PHACTR3: variants seen among roughly 807,000 people sequenced by gnomAD.
PHACTR3 encodes the protein protein phosphatase 1, regulatory subunit 123.
In PHACTR3, 16 loss-of-function variants were observed where a neutral mutation model predicts 66.8. The observed-to-expected ratio is 0.24, with a 90% CI of 0.16 to 0.36. The LOEUF is 0.36. Ranked by LOEUF, PHACTR3 falls within the 10% of genes least tolerant of loss-of-function variation. The pLI, the probability that PHACTR3 is intolerant of heterozygous loss-of-function variation, is 1.00. For missense variants in PHACTR3, 647 were observed against 719.9 expected, an observed-to-expected ratio of 0.90 and a Z score of 1.16; for synonymous variants, 323 against 292.1, an observed-to-expected ratio of 1.11 and a Z score of -1.08.
rs1215426166 is a variant in PHACTR3, at chr20:59,829,994, CCTGCAG to C, written c.1329-6509_1329-6504del. 6.6e-6 allele frequency among the ~76,000 whole-genome samples: 1 copy of C among 151,688 alleles called. No individual in the cohort carries two copies. The highest frequency in any genetic ancestry group is 2.4e-5 in the African/African-American group (1 of 40,926). ...CGTGTCCTTCCACTTCCTGAAATTACCTGCAGCCCCTGCTGCTGTGCTCATCATGCA... is the reference window on the plus strand; with the variant it reads ...CGTGTCCTTCCACTTCCTGAAATTACCCCCTGCTGCTGTGCTCATCATGCA... On this transcript the variant is annotated intron_variant, in intron 8 of 12. Coordinates refer to ENST00000371015, the MANE Select transcript of PHACTR3 (RefSeq NM_080672.5). This position sits in a 1 kb window ranked among gnomAD's most constrained non-coding sequence, Gnocchi z 4.2.
At chr20:59,734,760 A>G (rs770651844) in intron 1 of PHACTR3, among the ~76,000 whole-genome samples, 3 of 152,078 alleles carry the variant, frequency 2.0e-5, no homozygotes, top group Admixed American at 6.5e-5. Flanking sequence ...GCTTCCCCAA[A>G]TGACTCCCCA....
At chr20:59,750,221 CG>C (rs1419728619) in intron 3 of PHACTR3, among the ~76,000 whole-genome samples, 2 of 151,710 alleles carry the variant, frequency 1.3e-5, no homozygotes, top group Non-Finnish European at 2.9e-5. Context: ...ACCTGGTTCT[CG>C]GGGGGCCGGG....
At chr20:59,778,983 A>T (rs1036043963) in intron 7 of PHACTR3, among the ~76,000 whole-genome samples, 2 of 152,304 alleles carry the variant, frequency 1.3e-5, no homozygotes, top group Admixed American at 6.5e-5. Context: ...GCACCGTGCA[A>T]TGTGTTACAT....
intron 1 of PHACTR3, chr20:59,577,735 G>C (rs1173103711): frequency 3.0e-6 from 2 of 677,652 alleles, no homozygotes; most frequent in Non-Finnish European, 3.9e-6. Context: ...GCGGGTGGCC[G>C]GGAGGCCCGC....
At chr20:59,609,453 C>T (rs113987256) in intron 1 of PHACTR3, among the ~76,000 whole-genome samples, 13 of 152,158 alleles carry the variant, frequency 8.5e-5, no homozygotes, top group African/African-American at 2.9e-4. Flanking sequence ...TGGAGCCCAC[C>T]CCACTTGTTT....
intron 1 of PHACTR3, among the ~76,000 whole-genome samples, chr20:59,591,270 A>G (rs550018143): frequency 1.4e-4 from 21 of 152,238 alleles, no homozygotes; most frequent in East Asian, 5.8e-4. Context: ...TCCTCCCTCC[A>G]GGCTGAGCCA....
chr20:59,837,794 G>A (rs1242202158), intron 9 of PHACTR3, among the ~76,000 whole-genome samples: 2 of 152,164 alleles, frequency 1.3e-5, no homozygotes, highest in Non-Finnish European at 2.9e-5. Flanking sequence ...TCAAGACACA[G>A]GAAGCACCAC....
At chr20:59,836,665 T>C (rs2058973216) in intron 9 of PHACTR3, 105 bp downstream of exon 9, 1 of 1,124,586 alleles carries the variant, frequency 8.9e-7, no homozygotes, top group East Asian at 2.7e-5. Flanking sequence ...AGCGGAATGC[T>C]CCATGCTCCC....
At chr20:59,754,960 G>T (rs1160998114) in intron 3 of PHACTR3, among the ~76,000 whole-genome samples, 1 of 152,222 alleles carries the variant, frequency 6.6e-6, no homozygotes, top group Admixed American at 6.5e-5. Flanking sequence ...CACAGGGAGT[G>T]GAGTGTAAGA....
intron 4 of PHACTR3, among the ~76,000 whole-genome samples, chr20:59,759,235 A>G (rs2039913589): frequency 6.6e-6 from 1 of 152,192 alleles, no homozygotes; most frequent in Non-Finnish European, 1.5e-5. Flanking sequence ...ACCCTGCGCC[A>G]GGGACATCGG....
intron 3 of PHACTR3, among the ~76,000 whole-genome samples, chr20:59,754,771 G>A (rs1653176904): frequency 6.6e-6 from 1 of 152,254 alleles, no homozygotes; most frequent in South Asian, 2.1e-4. Context: ...GGACGAGCAG[G>A]GATGTGCAAG....
chr20:59,788,910 G>T (rs1314341015), intron 7 of PHACTR3, among the ~76,000 whole-genome samples: 1 of 152,210 alleles, frequency 6.6e-6, no homozygotes, highest in Non-Finnish European at 1.5e-5. Flanking sequence ...GTCAGGCATG[G>T]CAGGGAGAGT....
rs925664336 is a variant in PHACTR3 at position 59,811,707 on chromosome 20, G to A, written c.1328+5513G>A. 8.6e-5 allele frequency among the ~76,000 whole-genome samples: 13 copies of A among 151,448 alleles called. 1 individual carries two copies. Among genetic ancestry groups the A allele is most frequent in the Middle Eastern group, 3.4e-3 (1 of 294 alleles). On this transcript the variant is annotated intron_variant, in intron 8 of 12. Coordinates refer to ENST00000371015, the MANE Select transcript of PHACTR3 (RefSeq NM_080672.5). ...TGTCAACACAGCATGGAGCAGTGGGGGGTTGGACATCCTCAGGGGGAACAT... is the reference window on the plus strand; with the variant it reads ...TGTCAACACAGCATGGAGCAGTGGGAGGTTGGACATCCTCAGGGGGAACAT...
intron 9 of PHACTR3, among the ~76,000 whole-genome samples, chr20:59,837,376 G>A (rs2058985125): frequency 1.3e-5 from 2 of 152,044 alleles, no homozygotes; most frequent in Non-Finnish European, 2.9e-5. Context: ...AGTTATAATG[G>A]TACCAAGCTG....
chr20:59,835,280 G>GA (rs2042494025), intron 8 of PHACTR3, among the ~76,000 whole-genome samples: 1 of 442 alleles, frequency 2.3e-3, no homozygotes, highest in African/African-American at 9.6e-3. Flanking sequence ...GAATTGTCAG[G>GA]GGGGGAGGTT....
chr20:59,764,582 G>A (rs2040115780), intron 4 of PHACTR3, among the ~76,000 whole-genome samples: 1 of 152,174 alleles, frequency 6.6e-6, no homozygotes, highest in South Asian at 2.1e-4. Flanking sequence ...TCTGTAAATA[G>A]GTCAAACGTA....
At chr20:59,836,466 C>CA in intron 8 of PHACTR3, 39 bp from the exon 9 acceptor site, 1 of 1,595,320 alleles carries the variant, frequency 6.3e-7, no homozygotes, top group East Asian at 2.3e-5. Flanking sequence ...TGCAGGCAGC[C>CA]ACTATGGTGC....
intron 7 of PHACTR3, among the ~76,000 whole-genome samples, chr20:59,803,155 A>G (rs1386584400): frequency 6.6e-6 from 1 of 152,340 alleles, no homozygotes; most frequent in South Asian, 2.1e-4. Context: ...GGTCTTCACT[A>G]CAAATGCAGA....
At chr20:59,824,906 G>A (rs1367599641) in intron 8 of PHACTR3, among the ~76,000 whole-genome samples, 1 of 152,168 alleles carries the variant, frequency 6.6e-6, no homozygotes, top group East Asian at 1.9e-4. Flanking sequence ...ACTCCATGTG[G>A]TTGTTATTTC....
Sources: gnomAD v4.1 joint callset for allele counts (sites outside exome capture counted in the v4.1 genomes callset) on GRCh38, gnomAD v4.1.1 for gene constraint, Gnocchi (gnomAD v3.1) non-coding constraint, MANE v1.5 for transcripts, NCBI Gene and HGNC (gene_info 2026-07-23, HGNC 2026-07-21) for gene names.